Variants in ITPR1 observed in about 807,000 individuals in gnomAD.
The protein encoded by ITPR1 is inositol 1,4,5-trisphosphate-gated calcium channel ITPR1.
A neutral mutation model predicts 318.4 loss-of-function variants in ITPR1; 96 were observed. That is an observed-to-expected ratio of 0.30 (90% CI 0.26 to 0.36). The LOEUF is 0.36. Ranked by LOEUF, ITPR1 falls within the 10% of genes least tolerant of loss-of-function variation. The probability of loss-of-function intolerance (pLI) is 1.00; values close to 1 mark genes in which losing one functional copy is unlikely to be tolerated. For synonymous variants in ITPR1, 1,312 were observed against 1,289.9 expected (o/e 1.02, Z -0.37); for missense variants, 2,440 against 3,460.2 (o/e 0.71, Z 7.40).
At chr3:4,734,664 C>T (rs2043152835) in intron 43 of ITPR1, among the ~76,000 whole-genome samples, 1 of 152,238 alleles carries the variant, frequency 6.6e-6, no homozygotes, top group South Asian at 2.1e-4. Context: ...CCACGCCAAG[C>T]AGTGAGCAAA....
intron 10 of ITPR1, among the ~76,000 whole-genome samples, chr3:4,651,169 G>A (rs1490080809): frequency 1.3e-5 from 2 of 152,158 alleles, no homozygotes; most frequent in African/African-American, 2.4e-5. Flanking sequence ...TGCGCTCTGG[G>A]AAAGTTCAGC....
At chr3:4,811,928 A>C (rs1197783841) in intron 56 of ITPR1, among the ~76,000 whole-genome samples, 1 of 152,156 alleles carries the variant, frequency 6.6e-6, no homozygotes, top group Non-Finnish European at 1.5e-5. Flanking sequence ...TACATCCATG[A>C]GGTGGGGTGC....
intron 4 of ITPR1, among the ~76,000 whole-genome samples, chr3:4,530,194 A>C (rs945812296): frequency 6.6e-6 from 1 of 152,236 alleles, no homozygotes; most frequent in Non-Finnish European, 1.5e-5. Context: ...TATAGTATTT[A>C]TCACTATCTG....
intron 4 of ITPR1, among the ~76,000 whole-genome samples, chr3:4,590,847 A>G (rs1316597350): frequency 6.6e-6 from 1 of 152,118 alleles, no homozygotes; most frequent in Non-Finnish European, 1.5e-5. Context: ...TCAGTACCCA[A>G]TAGTTATCCT....
chr3:4,594,111 T>C (rs1299520770), intron 4 of ITPR1, among the ~76,000 whole-genome samples: 2 of 152,128 alleles, frequency 1.3e-5, no homozygotes, highest in Non-Finnish European at 2.9e-5. Context: ...GTTCATTGGC[T>C]TGGGGAGATA....
intron 4 of ITPR1, among the ~76,000 whole-genome samples, chr3:4,558,392 C>T (rs2086343064): frequency 6.6e-6 from 1 of 151,614 alleles, no homozygotes; most frequent in Admixed American, 6.6e-5. Context: ...AATATAAACA[C>T]AATCAATTTA....
At chr3:4,705,854 C>CA (rs750343841) in intron 36 of ITPR1, among the ~76,000 whole-genome samples, 1 of 152,220 alleles carries the variant, frequency 6.6e-6, no homozygotes, top group Non-Finnish European at 1.5e-5. Flanking sequence ...AATACACACA[C>CA]ACCTCAGTGA....
chr3:4,764,435 G>A (rs2045673175), intron 44 of ITPR1, among the ~76,000 whole-genome samples: 2 of 152,140 alleles, frequency 1.3e-5, no homozygotes, highest in African/African-American at 4.8e-5. Context: ...CCTCTTCTAG[G>A]TGCTCTGGGG....
chr3:4,536,363 T>A (rs1385621929), intron 4 of ITPR1, among the ~76,000 whole-genome samples: 2 of 152,252 alleles, frequency 1.3e-5, no homozygotes, highest in African/African-American at 4.8e-5. Flanking sequence ...AATACAAATG[T>A]TTTTGTTTGA....
Position 4,727,151 on chromosome 3 carries a change from G to T in ITPR1, c.5198G>T (p.Arg1733Leu). The T allele has an allele frequency of 6.3e-7, 1 of 1,597,496 alleles. No individual in the cohort carries two copies. The highest frequency in any genetic ancestry group is 8.5e-7 in the Non-Finnish European group (1 of 1,178,516). The change falls in exon 42 of 62, where the codon CGG becomes CTG. Residue 1733 changes from arginine (R) to leucine (L), a missense_variant. This residue lies in a region of ITPR1 where 166 missense variants were observed against 143.7 expected (regional missense o/e 1.16). Transcript: ENST00000649015. Reference protein sequence around the residue: ...TEELEPSPPLRQLEDHKRGEA... With the variant: ...TEELEPSPPLLQLEDHKRGEA... ...GAGCTTGAACCAAGTCCACCCCTGC[G>T]GCAGCTGGAAGACCATAAAAGGGTA...
chr3:4,702,763 G>T lies in ITPR1; in HGVS notation c.4537-67G>T, dbSNP rs1273375971. 5.2e-6 allele frequency: 8 copies of T among 1,533,352 alleles called. No homozygotes were observed. In the Admixed American group the frequency reaches 1.5e-4, roughly 29 times the overall value. 95.0% of individuals were successfully genotyped at this position (1,533,352 alleles called of 1,614,324 possible). A position where few individuals can be genotyped will look rare whatever the true frequency, so the allele number is the denominator to read the frequency against. On this transcript the variant is annotated intron_variant, in intron 35 of 61. Transcript: ENST00000649015. Reference sequence around the variant, plus strand: ...GGTTCAAGACAATGTCTCTGTCTCTGATCGGATCATCAGTAGTCTACAAAT... The same window carrying T: ...GGTTCAAGACAATGTCTCTGTCTCTTATCGGATCATCAGTAGTCTACAAAT...
At chr3:4,629,778 G>A (rs920850822) in intron 5 of ITPR1, among the ~76,000 whole-genome samples, 2 of 152,212 alleles carry the variant, frequency 1.3e-5, no homozygotes, top group Admixed American at 1.3e-4. Context: ...GTCTTTGCTG[G>A]ATAAGAGGGT....
Position 4,547,225 on chromosome 3 carries a change from A to G in ITPR1, c.163+26131A>G, listed in dbSNP as rs139054612. Among the ~76,000 whole-genome samples, 444 of 152,300 alleles carry G rather than the reference A, an allele frequency of 2.9e-3. 3 individuals are homozygous for G. The highest frequency in any genetic ancestry group is 0.01 in the African/African-American group (427 of 41,556). On this transcript the variant is annotated intron_variant, in intron 4 of 61. Transcript: ENST00000649015. ...TCTTTTAGGAAAGATTCGGCCTGAC[A>G]TTTTATTTTTATTCTTACATCTTAG...
chr3:4,667,947 G>T (rs974433277), intron 18 of ITPR1, among the ~76,000 whole-genome samples: 1 of 152,094 alleles, frequency 6.6e-6, no homozygotes, highest in African/African-American at 2.4e-5. Flanking sequence ...TTGTGGGTAC[G>T]TAGTAGGTGT....
chr3:4,814,435 C>A lies in ITPR1; in HGVS notation c.7574C>A (p.Ala2525Glu). The change falls in exon 58 of 62, where the codon GCA becomes GAA. Residue 2525 changes from alanine (A) to glutamate (E), a missense_variant. By Grantham distance (107) the Ala-to-Glu change is moderately radical. Transcript: ENST00000649015. ...SPAPREELVPAEETEQDKEHT... is the reference protein window; with the variant it reads ...SPAPREELVPEEETEQDKEHT... ...GCCGTGTTCACAGAGCTGGTCCCTG[C>A]AGAAGAGACGGAACAGGATAAAGAG... 6.2e-7 allele frequency: 1 copy of A among 1,613,966 alleles called. No homozygotes were observed. The highest frequency in any genetic ancestry group is 1.1e-5 in the South Asian group (1 of 91,084).
chr3:4,611,132 C>T (rs138967885), intron 4 of ITPR1, among the ~76,000 whole-genome samples: 1 of 142,442 alleles, frequency 7.0e-6, no homozygotes, highest in Non-Finnish European at 1.5e-5. Context: ...TGGTGGCTCA[C>T]GCCTGTTATC....
intron 4 of ITPR1, among the ~76,000 whole-genome samples, chr3:4,530,066 C>T (rs763740133): frequency 4.6e-5 from 7 of 152,226 alleles, no homozygotes; most frequent in Admixed American, 2.0e-4. Flanking sequence ...AAAAATTACC[C>T]GATTTCTTAA....
intron 34 of ITPR1, among the ~76,000 whole-genome samples, chr3:4,697,838 C>G (rs1380715529): frequency 6.6e-6 from 1 of 152,086 alleles, no homozygotes; most frequent in Non-Finnish European, 1.5e-5. Context: ...TTTCATGTCA[C>G]CCCTGTGGAT....
At chr3:4,527,195 GA>G (rs1388197866) in intron 4 of ITPR1, among the ~76,000 whole-genome samples, 1 of 152,140 alleles carries the variant, frequency 6.6e-6, no homozygotes. Flanking sequence ...TAGTTTTATG[GA>G]GACAAGGTCT....
Sources: gnomAD v4.1 joint callset for allele counts (sites outside exome capture counted in the v4.1 genomes callset) on GRCh38, gnomAD v4.1.1 for gene constraint, gnomAD v4.1.1 regional missense constraint, MANE v1.5 for transcripts, NCBI Gene and HGNC (gene_info 2026-07-23, HGNC 2026-07-21) for gene names.